The following ST6GAL1 variants were observed in gnomAD, a reference collection of about 807,000 sequenced individuals.
ST6GAL1 encodes ST6 beta-galactoside alpha-2,6-sialyltransferase 1.
In ST6GAL1, 20 loss-of-function variants were observed where a neutral mutation model predicts 38.0. The observed-to-expected ratio is 0.53, with a 90% confidence interval of 0.37 to 0.77. The LOEUF (loss-of-function observed/expected upper bound fraction) is 0.77. Ranked by LOEUF, ST6GAL1 falls within the 30% of genes least tolerant of loss-of-function variation. ST6GAL1 has a pLI of 0.00. For missense variants in ST6GAL1, 432 were observed against 496.4 expected (o/e 0.87, Z 1.23); for synonymous variants, 196 against 188.2 (o/e 1.04, Z -0.34).
chr3:186,950,639 G>T (rs568992686), intron 1 of ST6GAL1, among the ~76,000 whole-genome samples: 2 of 152,360 alleles, frequency 1.3e-5, no homozygotes, highest in African/African-American at 4.8e-5. Flanking sequence ...AGGTAGGTGG[G>T]AGGAGGGGTG....
chr3:187,007,771 C>G (rs1716829878), intron 2 of ST6GAL1, among the ~76,000 whole-genome samples: 8 of 152,146 alleles, frequency 5.3e-5, no homozygotes, highest in Admixed American at 4.6e-4. Flanking sequence ...TAGGTATGAC[C>G]ATTCTCCACT....
intron 1 of ST6GAL1, among the ~76,000 whole-genome samples, chr3:186,960,383 G>C (rs11707868): frequency 0.039 from 5,894 of 152,286 alleles, 155 homozygotes; most frequent in East Asian, 0.068. Flanking sequence ...AGGCCCTGAG[G>C]AGAAGGAAGG....
At chr3:187,064,405 C>T (rs992642102) in intron 5 of ST6GAL1, 1 of 416,618 alleles carries the variant, frequency 2.4e-6, no homozygotes, top group Non-Finnish European at 4.9e-6. Context: ...GCCTACAATT[C>T]ACAAAGGGTT....
intron 1 of ST6GAL1, among the ~76,000 whole-genome samples, chr3:186,961,504 G>T (rs1327308588): frequency 6.6e-6 from 1 of 152,194 alleles, no homozygotes; most frequent in Non-Finnish European, 1.5e-5. Flanking sequence ...TGGGGTAGGG[G>T]CAGGGTGGGC....
At chr3:187,017,732 C>T (rs1472173662) in intron 2 of ST6GAL1, among the ~76,000 whole-genome samples, 2 of 152,226 alleles carry the variant, frequency 1.3e-5, no homozygotes, top group Non-Finnish European at 2.9e-5. Flanking sequence ...AACACTGGCT[C>T]AGACTTCCTC....
In ST6GAL1 at chr3:186,978,371, A is replaced by ATATT. The variant is rs566815509; in HGVS notation, c.-183+14447_-183+14450dup. 7.5e-4 allele frequency among the ~76,000 whole-genome samples: 114 copies of ATATT among 152,276 alleles called. 1 individual carries two copies. The South Asian group carries it at 0.023, about 30-fold the overall frequency. On this transcript the variant is annotated intron_variant, in intron 2 of 7. Coordinates refer to ENST00000169298, the MANE Select transcript of ST6GAL1 (RefSeq NM_173216.2). The stretch of plus-strand genomic sequence containing the variant: ...GATGCTGTGAGCCACTAGACACATC[A>ATATT]TATTTCTCTGACTCCTCCTCAGTTT...
intron 1 of ST6GAL1, among the ~76,000 whole-genome samples, chr3:186,960,531 T>C (rs1714897932): frequency 6.6e-6 from 1 of 152,104 alleles, no homozygotes; most frequent in Non-Finnish European, 1.5e-5. Flanking sequence ...CAGAGCGTTA[T>C]GAATTAAGTG....
chr3:187,049,170 C>A (rs757824336), intron 4 of ST6GAL1, among the ~76,000 whole-genome samples: 1 of 152,130 alleles, frequency 6.6e-6, no homozygotes, highest in Non-Finnish European at 1.5e-5. Context: ...GGATTACAGG[C>A]GTGAGCTACT....
chr3:187,041,591 C>G (rs1166629087), intron 3 of ST6GAL1, among the ~76,000 whole-genome samples: 1 of 152,186 alleles, frequency 6.6e-6, no homozygotes, highest in African/African-American at 2.4e-5. Flanking sequence ...TCCAGAGCTT[C>G]TTGCAGTTCT....
rs116613119 is a variant in ST6GAL1 at position 186,969,854 on chromosome 3, C to T, written c.-183+5928C>T. 4.9e-3 allele frequency among the ~76,000 whole-genome samples: 752 copies of T among 152,280 alleles called. 3 individuals are homozygous for T. The highest frequency in any genetic ancestry group is 0.017 in the African/African-American group (709 of 41,546). On this transcript the variant is annotated intron_variant, in intron 2 of 7. Transcript: ENST00000169298. ...TGTGCCAAGGCATGGAAACAGGAAA[C>T]GTCGTGGTACACACAGTACTATGAA... is the stretch of plus-strand genomic sequence containing the variant.
intron 2 of ST6GAL1, among the ~76,000 whole-genome samples, chr3:186,993,347 A>C (rs1049425850): frequency 1.3e-5 from 2 of 152,192 alleles, no homozygotes; most frequent in Non-Finnish European, 2.9e-5. Flanking sequence ...CGTTTTTGGC[A>C]TAGGGTCACC....
At position 186,969,114 on chromosome 3, in the gene ST6GAL1, C is replaced by T. The variant is rs1715253115; in HGVS notation, c.-183+5188C>T. ...TGGGCCAGGCTGGAATGCAGTGGCG[C>T]AATCTCAGCTCACTGCAACCTCTGC... On this transcript the variant is annotated intron_variant, in intron 2 of 7. Coordinates refer to ENST00000169298, the MANE Select transcript of ST6GAL1 (RefSeq NM_173216.2). Among the ~76,000 whole-genome samples the T allele has an allele frequency of 2.8e-5, 4 of 143,252 alleles. No homozygotes were observed. In the South Asian group the frequency reaches 8.7e-4, roughly 31 times the overall value. 94.0% of individuals were successfully genotyped at this position (143,252 alleles called of 152,430 possible). A position where few individuals can be genotyped will look rare whatever the true frequency, so the allele number is the denominator to read the frequency against.
At position 186,948,528 on chromosome 3, in the gene ST6GAL1, AGTGTGTGT is replaced by A. The variant is rs36234165; in HGVS notation, c.-324-15222_-324-15215del. ...ATGCTCTTGGGGGTTCAGAAACTCT[AGTGTGTGT>A]GTGTGTGTGTGTGTGTGTGTGTGTG... is the stretch of plus-strand genomic sequence containing the variant. On this transcript the variant is annotated intron_variant, in intron 1 of 7. Transcript: ENST00000169298. 4.8e-3 allele frequency among the ~76,000 whole-genome samples: 707 copies of A among 146,344 alleles called. 2 individuals are homozygous for A. Among genetic ancestry groups the A allele is most frequent in the Middle Eastern group, 0.021 (6 of 292 alleles).
At chr3:187,009,935 T>A (rs1385919138) in intron 2 of ST6GAL1, among the ~76,000 whole-genome samples, 2 of 150,868 alleles carry the variant, frequency 1.3e-5, no homozygotes, top group African/African-American at 4.9e-5. Flanking sequence ...AACCCGGGAG[T>A]CGGAGGTTGC....
intron 4 of ST6GAL1, among the ~76,000 whole-genome samples, chr3:187,049,037 C>A (rs953281731): frequency 6.6e-6 from 1 of 151,872 alleles, no homozygotes; most frequent in Non-Finnish European, 1.5e-5. Flanking sequence ...ATTACAGGTG[C>A]GTGCCACCAC....
chr3:186,948,403 G>A (rs536899618), intron 1 of ST6GAL1, among the ~76,000 whole-genome samples: 9 of 152,288 alleles, frequency 5.9e-5, no homozygotes, highest in South Asian at 2.1e-4. Context: ...CAAACTGGGC[G>A]GGCAGCCAGA....
chr3:186,934,912 G>T (rs978649253), intron 1 of ST6GAL1, among the ~76,000 whole-genome samples: 5 of 152,012 alleles, frequency 3.3e-5, no homozygotes, highest in Admixed American at 3.3e-4. Flanking sequence ...GACTACAGGT[G>T]CCCGCCACCA....
intron 2 of ST6GAL1, among the ~76,000 whole-genome samples, chr3:186,979,090 C>T (rs1315936510): frequency 6.6e-6 from 1 of 151,934 alleles, no homozygotes; most frequent in African/African-American, 2.4e-5. Flanking sequence ...GAGCTGGGCC[C>T]TATTTATTTC....
chr3:187,051,806 A>G (rs754903286), intron 5 of ST6GAL1, among the ~76,000 whole-genome samples: 9 of 152,190 alleles, frequency 5.9e-5, no homozygotes, highest in Non-Finnish European at 1.3e-4. Context: ...TTCATGTACT[A>G]TTTCATAAAT....
Sources: allele counts gnomAD v4.1 joint callset (sites outside exome capture counted in the v4.1 genomes callset), GRCh38; gene constraint gnomAD v4.1.1; transcripts MANE v1.5; gene names NCBI Gene and HGNC (gene_info 2026-07-23, HGNC 2026-07-21).